The following GPC5 variants were observed in gnomAD, a reference collection of about 807,000 sequenced individuals.
GPC5 encodes glypican-5.
GPC5 carries 47 observed loss-of-function variants against 53.9 expected under a neutral mutation model. The ratio of observed to expected loss-of-function variants is 0.87; its 90% confidence interval spans 0.69 to 1.11. The LOEUF is 1.11. Among genes scored for constraint, GPC5 ranks in the 50% most tolerant of loss-of-function variants. The pLI, the probability that GPC5 is intolerant of heterozygous loss-of-function variation, is 0.00. For missense variants in GPC5, 748 were observed against 713.1 expected (o/e 1.05, Z -0.56); for synonymous variants, 286 against 263.3 (o/e 1.09, Z -0.84).
chr13:92,491,138 G>C (rs1418235382), intron 7 of GPC5, among the ~76,000 whole-genome samples: 1 of 151,980 alleles, frequency 6.6e-6, no homozygotes, highest in Non-Finnish European at 1.5e-5. Flanking sequence ...TTAAACCTAT[G>C]CTAATGGTTT....
chr13:91,563,964 G>A (rs1437152492), intron 2 of GPC5, among the ~76,000 whole-genome samples: 1 of 152,058 alleles, frequency 6.6e-6, no homozygotes, highest in Non-Finnish European at 1.5e-5. Flanking sequence ...AACTAGAGTT[G>A]GAAGTGAGTG....
At chr13:92,344,278 C>G (rs536849544) in intron 7 of GPC5, among the ~76,000 whole-genome samples, 1 of 152,182 alleles carries the variant, frequency 6.6e-6, no homozygotes, top group East Asian at 1.9e-4. Flanking sequence ...ACCATCAGCT[C>G]TCCTGAGAAC....
At chr13:92,023,587 G>C (rs1023445424) in intron 6 of GPC5, among the ~76,000 whole-genome samples, 1 of 151,478 alleles carries the variant, frequency 6.6e-6, no homozygotes. Flanking sequence ...CTAAGATTGA[G>C]ATTCCATACT....
At chr13:91,468,191 C>T (rs1313440117) in intron 2 of GPC5, among the ~76,000 whole-genome samples, 1 of 152,094 alleles carries the variant, frequency 6.6e-6, no homozygotes, top group African/African-American at 2.4e-5. Context: ...GGCCATGCCT[C>T]ATATTGAGAT....
chr13:91,944,079 C>A (rs1042853974), intron 6 of GPC5, among the ~76,000 whole-genome samples: 6 of 151,622 alleles, frequency 4.0e-5, no homozygotes, highest in Admixed American at 3.9e-4. Flanking sequence ...CAGGATATTT[C>A]TTTTTCTTTT....
intron 7 of GPC5, among the ~76,000 whole-genome samples, chr13:92,330,270 C>A (rs564579311): frequency 6.6e-5 from 10 of 152,080 alleles, no homozygotes; most frequent in Non-Finnish European, 1.2e-4. Context: ...TGCCAGTGGT[C>A]GAGTTCTGTT....
chr13:91,496,594 A>G (rs532068437), intron 2 of GPC5, among the ~76,000 whole-genome samples: 60 of 152,282 alleles, frequency 3.9e-4, no homozygotes, highest in African/African-American at 1.4e-3. Flanking sequence ...GAACTTATGG[A>G]CATAGAGATA....
chr13:91,502,183 C>T (rs1490366107), intron 2 of GPC5, among the ~76,000 whole-genome samples: 1 of 152,004 alleles, frequency 6.6e-6, no homozygotes, highest in Non-Finnish European at 1.5e-5. Flanking sequence ...AATTTTCTCC[C>T]ATTCTGTAGG....
At chr13:91,828,611 T>G (rs2038610998) in intron 5 of GPC5, among the ~76,000 whole-genome samples, 1 of 151,982 alleles carries the variant, frequency 6.6e-6, no homozygotes, top group African/African-American at 2.4e-5. Context: ...CCTAGAATAT[T>G]TTTTTCCAGA....
At chr13:91,754,523 T>G (rs892766108) in intron 4 of GPC5, among the ~76,000 whole-genome samples, 1 of 152,142 alleles carries the variant, frequency 6.6e-6, no homozygotes, top group African/African-American at 2.4e-5. Flanking sequence ...TTTTACATCA[T>G]CAATTTAAAA....
At chr13:91,486,318 A>G (rs1395075142) in intron 2 of GPC5, 1 of 152,174 alleles carries the variant, frequency 6.6e-6, no homozygotes, top group Non-Finnish European at 1.5e-5. Flanking sequence ...CCTGCAGTTG[A>G]CAATTTGCCT....
intron 7 of GPC5, among the ~76,000 whole-genome samples, chr13:92,695,805 AC>A (rs1039889610): frequency 5.9e-5 from 9 of 151,932 alleles, no homozygotes; most frequent in African/African-American, 2.2e-4. Flanking sequence ...GCACCTATCA[AC>A]CCATCATCTA....
chr13:92,168,488 G>GA (rs2042047256), intron 7 of GPC5, among the ~76,000 whole-genome samples: 1 of 151,906 alleles, frequency 6.6e-6, no homozygotes, highest in Non-Finnish European at 1.5e-5. Flanking sequence ...AAATTTACAA[G>GA]AAAAAAGCAA....
intron 2 of GPC5, among the ~76,000 whole-genome samples, chr13:91,450,428 A>C (rs1295372548): frequency 6.6e-6 from 1 of 152,086 alleles, no homozygotes; most frequent in Non-Finnish European, 1.5e-5. Context: ...GGAGTTTGTG[A>C]TAGGTGGTCA....
intron 7 of GPC5, among the ~76,000 whole-genome samples, chr13:92,217,837 A>G (rs2042421790): frequency 6.6e-6 from 1 of 151,850 alleles, no homozygotes. Flanking sequence ...CTAATATGCC[A>G]TAATACAACA....
At chr13:92,078,829 C>T (rs537221740) in intron 6 of GPC5, among the ~76,000 whole-genome samples, 186 of 152,272 alleles carry the variant, frequency 1.2e-3, no homozygotes, top group Non-Finnish European at 1.5e-3. Context: ...ACTACACTAT[C>T]TCCGTCCCGT....
At chr13:92,610,399 G>C (rs1424681732) in intron 7 of GPC5, among the ~76,000 whole-genome samples, 2 of 152,062 alleles carry the variant, frequency 1.3e-5, no homozygotes, top group African/African-American at 4.8e-5. Flanking sequence ...ATTTCAGCTA[G>C]GAGGAGTATC....
intron 7 of GPC5, among the ~76,000 whole-genome samples, chr13:92,843,392 G>C (rs1296285639): frequency 2.0e-5 from 3 of 152,188 alleles, no homozygotes; most frequent in Admixed American, 6.6e-5. Flanking sequence ...GAATTAAGTT[G>C]ATCCAAGTAT....
rs138687381 is a variant in GPC5 at position 92,525,712 on chromosome 13, T to A, written c.1562-340570T>A. Among the ~76,000 whole-genome samples, 606 of 152,122 alleles carry A rather than the reference T, an allele frequency of 4.0e-3. 7 individuals are homozygous for A. The highest frequency in any genetic ancestry group is 0.014 in the African/African-American group (589 of 41,530). On this transcript the variant is annotated intron_variant, in intron 7 of 7. Coordinates refer to ENST00000377067, the MANE Select transcript of GPC5 (RefSeq NM_004466.6). ...AGTCATTTGATGCGATCTTTTCTCT[T>A]CTTCCAAAATAACTGCCAAAGGAAA...
Sources: allele counts gnomAD v4.1 joint callset (sites outside exome capture counted in the v4.1 genomes callset), GRCh38; gene constraint gnomAD v4.1.1; transcripts MANE v1.5; gene names NCBI Gene and HGNC (gene_info 2026-07-23, HGNC 2026-07-21).